The following ATE1 variants were observed in gnomAD, a reference collection of about 807,000 sequenced individuals.
ATE1 encodes arginyltransferase 1, also known as arginyl-tRNA--protein transferase 1.
Under a neutral mutation model 70.5 loss-of-function variants are expected in ATE1, and 36 were observed. That is an observed-to-expected ratio of 0.51 (90% CI 0.39 to 0.67). The LOEUF (loss-of-function observed/expected upper bound fraction) is 0.67. Among genes scored for constraint, ATE1 ranks in the 30% least tolerant of loss-of-function variants. The pLI, the probability that ATE1 is intolerant of heterozygous loss-of-function variation, is 0.00. For synonymous variants in ATE1, 232 were observed against 219.3 expected (o/e 1.06, Z -0.51); for missense variants, 593 against 629.5 (o/e 0.94, Z 0.62).
At chr10:121,924,413 G>T in intron 1 of ATE1, 84 bp from the exon 2 acceptor site, 1 of 1,347,490 alleles carries the variant, frequency 7.4e-7, no homozygotes, top group Non-Finnish European at 1.1e-6. Flanking sequence ...AAAAATAGGA[G>T]TGTGTGTCCG....
At chr10:121,927,631 G>A (rs575180905) in intron 1 of ATE1, 3 of 950,404 alleles carry the variant, frequency 3.2e-6, no homozygotes, top group South Asian at 9.7e-5. Flanking sequence ...ACGATTTCGA[G>A]AGTACGGGCA....
intron 3 of ATE1, among the ~76,000 whole-genome samples, chr10:121,921,795 T>A (rs1951892739): frequency 6.6e-6 from 1 of 152,206 alleles, no homozygotes; most frequent in Non-Finnish European, 1.5e-5. Context: ...GTGAACTGTG[T>A]ATAAAAGTCT....
intron 10 of ATE1, among the ~76,000 whole-genome samples, chr10:121,826,676 G>A (rs369758748): frequency 2.6e-5 from 4 of 152,178 alleles, no homozygotes; most frequent in African/African-American, 9.7e-5. Flanking sequence ...AAGGTGTATC[G>A]TGTGATGTTG....
At chr10:121,902,222 A>C (rs918073990) in intron 6 of ATE1, among the ~76,000 whole-genome samples, 169 bp downstream of exon 6, 17 of 152,220 alleles carry the variant, frequency 1.1e-4, no homozygotes, top group Admixed American at 3.3e-4. Context: ...AACAGCAGTT[A>C]ACTTAGTAAA....
At chr10:121,828,815 AC>A (rs11307658) in intron 10 of ATE1, among the ~76,000 whole-genome samples, 18,354 of 152,240 alleles carry the variant, frequency 0.12, 1,395 homozygotes, top group East Asian at 0.32. Context: ...ATTACTCAAT[AC>A]AAAAGATCAG....
intron 7 of ATE1, among the ~76,000 whole-genome samples, chr10:121,879,748 G>A (rs1468054102): frequency 6.6e-6 from 1 of 152,170 alleles, no homozygotes; most frequent in East Asian, 1.9e-4. Context: ...ACAGAGAGAA[G>A]CAGTCACCAG....
At chr10:121,862,352 T>C (rs1039658961) in intron 8 of ATE1, among the ~76,000 whole-genome samples, 3 of 151,972 alleles carry the variant, frequency 2.0e-5, no homozygotes, top group African/African-American at 7.3e-5. Context: ...ACTTCTTACG[T>C]TGACAGACTC....
At chr10:121,775,148 T>A (rs1945682795) in intron 11 of ATE1, among the ~76,000 whole-genome samples, 1 of 152,132 alleles carries the variant, frequency 6.6e-6, no homozygotes, top group Non-Finnish European at 1.5e-5. Flanking sequence ...AGAATAGAAT[T>A]TTGTTTAGTT....
At chr10:121,803,314 T>G (rs1233944284) in intron 10 of ATE1, among the ~76,000 whole-genome samples, 1 of 152,180 alleles carries the variant, frequency 6.6e-6, no homozygotes, top group Non-Finnish European at 1.5e-5. Context: ...ATCTTAAAAT[T>G]GGACCTCAGA....
chr10:121,827,018 ATTTT>A, intron 10 of ATE1, among the ~76,000 whole-genome samples: 1 of 146,126 alleles, frequency 6.8e-6, no homozygotes, highest in Non-Finnish European at 1.5e-5. Flanking sequence ...ATGGGCAATA[ATTTT>A]TTTTTTTTTT....
chr10:121,924,055 A>G (rs893639636), intron 2 of ATE1, among the ~76,000 whole-genome samples: 7 of 152,238 alleles, frequency 4.6e-5, no homozygotes, highest in African/African-American at 1.7e-4. Flanking sequence ...TAGGTACTTG[A>G]GGTTCATTCT....
intron 4 of ATE1, 78 bp downstream of exon 4, chr10:121,913,712 T>C (rs2134466106): frequency 2.1e-6 from 2 of 967,376 alleles, no homozygotes; most frequent in South Asian, 3.0e-5. Flanking sequence ...TAATGACCCT[T>C]CCCCTTCCCA....
intron 10 of ATE1, among the ~76,000 whole-genome samples, chr10:121,792,093 A>G (rs1215211961): frequency 1.4e-5 from 2 of 147,238 alleles, no homozygotes; most frequent in African/African-American, 5.0e-5. Flanking sequence ...AGTGGCTGGG[A>G]GAGGGTTCAA....
intron 5 of ATE1, 103 bp from the exon 6 acceptor site, chr10:121,902,723 GT>G: frequency 8.6e-7 from 1 of 1,160,988 alleles, no homozygotes; most frequent in Non-Finnish European, 1.2e-6. Context: ...AGTTTCAATG[GT>G]TAGGCTAGCT....
intron 3 of ATE1, among the ~76,000 whole-genome samples, chr10:121,919,401 T>C (rs1032712565): frequency 2.0e-5 from 3 of 150,566 alleles, no homozygotes; most frequent in Admixed American, 1.3e-4. Context: ...CTACTAAAAA[T>C]ATCAAAAAAA....
Position 121,902,559 on chromosome 10 carries a change from C to A in ATE1, c.645G>T (p.Arg215Ser). ...CRKAKEIRKE[R>S]KRLKLMQQNP... ...TCTGCTGCATTAGTTTTAACCTTTTCCTTTCTTTCCGGATTTCCTTTGCTT... is the reference window on the plus strand; with the variant it reads ...TCTGCTGCATTAGTTTTAACCTTTTACTTTCTTTCCGGATTTCCTTTGCTT... The change falls in exon 6 of 12, where the codon AGG becomes AGT. Residue 215 changes from arginine (R) to serine (S), a missense_variant. Transcript: ENST00000224652. The A allele has an allele frequency of 6.2e-7, 1 of 1,614,154 alleles. No homozygotes were observed. Among genetic ancestry groups the A allele is most frequent in the South Asian group, 1.1e-5 (1 of 91,082 alleles).
At position 121,927,843 on chromosome 10, in the gene ATE1, C is replaced by T; in HGVS notation, c.106+1G>A. On this transcript the variant is annotated splice_donor_variant, in intron 1 of 11. Coordinates refer to ENST00000224652, the MANE Select transcript of ATE1 (RefSeq NM_001001976.3). LOFTEE classifies it high-confidence loss of function. ...CACGCCCGCCGGCCCGGCTCGCTCA[C>T]CATTGGAGCGGCTGCCCGACTCGTT... 6.4e-7 allele frequency: 1 copy of T among 1,572,040 alleles called. No homozygotes were observed. The highest frequency in any genetic ancestry group is 8.6e-7 in the Non-Finnish European group (1 of 1,161,866).
intron 8 of ATE1, among the ~76,000 whole-genome samples, chr10:121,858,472 C>T (rs1949330523): frequency 6.6e-6 from 1 of 151,518 alleles, no homozygotes; most frequent in Admixed American, 6.6e-5. Context: ...TTTGGGTTGG[C>T]TTCACCATAA....
At chr10:121,849,678 TG>T (rs1948979933) in intron 8 of ATE1, among the ~76,000 whole-genome samples, 1 of 152,216 alleles carries the variant, frequency 6.6e-6, no homozygotes, top group South Asian at 2.1e-4. Context: ...TCAGCACTCT[TG>T]GTTAATAATG....
Sources: allele counts gnomAD v4.1 joint callset (sites outside exome capture counted in the v4.1 genomes callset), GRCh38; gene constraint gnomAD v4.1.1; transcripts MANE v1.5; gene names NCBI Gene and HGNC (gene_info 2026-07-23, HGNC 2026-07-21).